SEPTIN4: variants seen among roughly 807,000 people sequenced by gnomAD.
The protein encoded by SEPTIN4 is septin-4.
A neutral mutation model predicts 107.1 loss-of-function variants in SEPTIN4; 52 were observed. The ratio of observed to expected loss-of-function variants is 0.49; its 90% confidence interval spans 0.39 to 0.61. The LOEUF is 0.61. Ranked by LOEUF, SEPTIN4 falls within the 20% of genes least tolerant of loss-of-function variation. SEPTIN4 has a pLI of 0.00. For missense variants in SEPTIN4, 1,048 were observed against 1,243.5 expected (o/e 0.84, Z 2.36); for synonymous variants, 417 against 467.0 (o/e 0.89, Z 1.38).
In SEPTIN4 at chr17:58,526,976, G is replaced by T. The variant is rs200119256; in HGVS notation, c.1617C>A (p.Ile539=). ...CCGTGGTGTCCTCCAGGAAACGCTT[G>T]ATCTGGGGGAAGCGGGGTGGGTAGA... ...RVIWWLKDEE[I]KRFLEDTTDD... is the part of the protein sequence containing the mutation. The change falls in exon 4 of 14, where the codon ATC becomes ATA. Residue 539 remains isoleucine (I), a splice_region_variant and synonymous_variant. Coordinates refer to ENST00000672673, the MANE Select transcript of SEPTIN4 (RefSeq NM_001368771.2). 1.2e-6 allele frequency: 2 copies of T among 1,614,066 alleles called. No homozygotes were observed.
chr17:58,529,069 G>A lies in SEPTIN4; in HGVS notation c.1615-2091C>T, dbSNP rs893134114. On this transcript the variant is annotated intron_variant, in intron 3 of 13. Transcript: ENST00000672673. ...TGAGCCCCAATCCCAGCCAAGGCAG[G>A]GGGAAGACAGGTCACGTCCACCCAT... The A allele has an allele frequency of 1.1e-5, 17 of 1,605,956 alleles. No homozygotes were observed. The African/African-American group carries it at 1.7e-4, about 16-fold the overall frequency.
At chr17:58,539,131 AC>A in intron 3 of SEPTIN4, 1 of 1,533,426 alleles carries the variant, frequency 6.5e-7, no homozygotes, top group Non-Finnish European at 8.7e-7. Context: ...GTCAGAGAAG[AC>A]CAGCAGCCCA....
At position 58,538,201 on chromosome 17, in the gene SEPTIN4, A is replaced by G. The variant is rs1181727671; in HGVS notation, c.1614+2465T>C. Among the ~76,000 whole-genome samples, 3 of 152,212 alleles carry G rather than the reference A, an allele frequency of 2.0e-5. No homozygotes were observed. The highest frequency in any genetic ancestry group is 4.4e-5 in the Non-Finnish European group (3 of 68,034). ...TCAGAGGCTTTGGATTTCGCTTTGT[A>G]AAGGAAGCCAACCTGAGCAAAATGT... On this transcript the variant is annotated intron_variant, in intron 3 of 13. Coordinates refer to ENST00000672673, the MANE Select transcript of SEPTIN4 (RefSeq NM_001368771.2). The surrounding 1 kb of genome is among the most constrained non-coding windows in gnomAD (Gnocchi z 4.7).
In SEPTIN4 at chr17:58,521,203, G is replaced by A. The variant is rs1417616554; in HGVS notation, c.2669-43C>T. The A allele has an allele frequency of 1.2e-6, 2 of 1,614,046 alleles. No homozygotes were observed. Among genetic ancestry groups the A allele is most frequent in the African/African-American group, 1.3e-5 (1 of 74,942 alleles). Reference sequence around the variant, plus strand: ...GGGTCAGCCAGAGGCATAGGTAGGGGAGAGCCACTGAGGGCAAGGAGATAC... The same window carrying A: ...GGGTCAGCCAGAGGCATAGGTAGGGAAGAGCCACTGAGGGCAAGGAGATAC... On this transcript the variant is annotated intron_variant, in intron 11 of 13. Coordinates refer to ENST00000672673, the MANE Select transcript of SEPTIN4 (RefSeq NM_001368771.2). This position sits in a 1 kb window ranked among gnomAD's most constrained non-coding sequence, Gnocchi z 6.4.
At chr17:58,525,870 T>C in intron 5 of SEPTIN4, 89 bp from the exon 6 acceptor site, 1 of 1,125,126 alleles carries the variant, frequency 8.9e-7, no homozygotes, top group Non-Finnish European at 1.3e-6. Context: ...TAGGGGGGAC[T>C]GCTTTCTTAT....
At chr17:58,541,797 AG>A (rs752107010) in intron 2 of SEPTIN4, 124 bp downstream of exon 2, 14 of 1,604,438 alleles carry the variant, frequency 8.7e-6, no homozygotes, top group African/African-American at 1.3e-5. Flanking sequence ...CTGCTTCTTC[AG>A]GTCAAAATCC....
chr17:58,535,722 C>G (rs185463303), intron 3 of SEPTIN4, among the ~76,000 whole-genome samples: 62 of 152,372 alleles, frequency 4.1e-4, no homozygotes, highest in African/African-American at 1.4e-3. Flanking sequence ...AAATTCACCA[C>G]AAGCTCCTCA....
chr17:58,522,633 G>T (rs1445320339), intron 7 of SEPTIN4, among the ~76,000 whole-genome samples: 1 of 150,126 alleles, frequency 6.7e-6, no homozygotes, highest in African/African-American at 2.5e-5. Flanking sequence ...CTCCAGCCTG[G>T]GTGATGGAGC....
At chr17:58,534,323 C>A (rs1325213060) in intron 3 of SEPTIN4, among the ~76,000 whole-genome samples, 1 of 152,236 alleles carries the variant, frequency 6.6e-6, no homozygotes, top group Non-Finnish European at 1.5e-5. Flanking sequence ...GGCCTGGGCA[C>A]AAGTCCCATG....
chr17:58,527,216 C>G, intron 3 of SEPTIN4: 1 of 777,142 alleles, frequency 1.3e-6, no homozygotes, highest in Non-Finnish European at 2.3e-6. Flanking sequence ...AGGAAGAGCC[C>G]TGGGCACCCC....
At chr17:58,527,075 A>T in intron 3 of SEPTIN4, 97 bp from the exon 4 acceptor site, 1 of 1,579,152 alleles carries the variant, frequency 6.3e-7, no homozygotes, top group Non-Finnish European at 8.7e-7. Context: ...AGAAGGCAAG[A>T]GGGAAAGGGA....
At chr17:58,527,238 C>T (rs2043015049) in intron 3 of SEPTIN4, 2 of 703,900 alleles carry the variant, frequency 2.8e-6, no homozygotes, top group Admixed American at 4.0e-5. Flanking sequence ...AGAGCCCTGG[C>T]AACTGCTCTT....
rs772439992 is a variant in SEPTIN4 at position 58,525,135 on chromosome 17, A to C, written c.2159T>G (p.Leu720Arg). 18 of 1,614,210 alleles carry C rather than the reference A, an allele frequency of 1.1e-5. No homozygotes were observed. Among genetic ancestry groups the C allele is most frequent in the Non-Finnish European group, 1.4e-5 (17 of 1,180,022 alleles). The change falls in exon 7 of 14, where the codon CTG (leucine) becomes CGG (arginine). Residue 720 changes from leucine to arginine, a missense_variant. Coordinates refer to ENST00000672673, the MANE Select transcript of SEPTIN4 (RefSeq NM_001368771.2). ...AVDIEEKGVRLRLTIVDTPGF... is the reference protein window; with the variant it reads ...AVDIEEKGVRRRLTIVDTPGF... The stretch of plus-strand genomic sequence containing the variant: ...TGGTGTGTCCACAATGGTGAGCCGC[A>C]GCCTCACACCCTTCTCTTCTATGTC...
chr17:58,544,002 T>G lies in SEPTIN4; in HGVS notation c.185A>C (p.His62Pro). The G allele has an allele frequency of 6.2e-7, 1 of 1,613,672 alleles. No individual in the cohort carries two copies. The highest frequency in any genetic ancestry group is 8.5e-7 in the Non-Finnish European group (1 of 1,179,832). ...AGATCGAGGGTAGTCTGATGCTGAATGGGGAGTGGTGGGATGTGCAGCTTC... is the reference window on the plus strand; with the variant it reads ...AGATCGAGGGTAGTCTGATGCTGAAGGGGGAGTGGTGGGATGTGCAGCTTC... ...RSEAAHPTTP[H>P]SASDYPRSVS... Residue 62 changes from histidine (H) to proline (P), a missense_variant, in exon 1 of 14, where the codon CAT becomes CCT. His to Pro is a moderately conservative substitution (Grantham distance 77). Coordinates refer to ENST00000672673, the MANE Select transcript of SEPTIN4 (RefSeq NM_001368771.2).
rs372204884 is a variant in SEPTIN4, at chr17:58,544,201, C to T, written c.-15G>A. ...GTCTTGACCATCTGATAGATTGTGC[C>T]CTTCTGAGTAGATCCCGTATTTTAC... On this transcript the variant is annotated 5_prime_UTR_variant, in exon 1 of 14. Transcript: ENST00000672673. 1.1e-5 allele frequency: 18 copies of T among 1,592,470 alleles called. No individual in the cohort carries two copies. Among genetic ancestry groups the T allele is most frequent in the African/African-American group, 5.4e-5 (4 of 74,518 alleles).
chr17:58,526,573 AACACACACAC>A (rs3034932), intron 4 of SEPTIN4, 99 bp downstream of exon 4: 84 of 1,303,872 alleles, frequency 6.4e-5, no homozygotes, highest in Middle Eastern at 2.6e-4. Context: ...CACACACACA[AACACACACAC>A]ACACACACAC....
rs1459752548 is a variant in SEPTIN4 at position 58,543,354 on chromosome 17, A to C, written c.833T>G (p.Leu278Arg). 6.2e-7 allele frequency: 1 copy of C among 1,614,086 alleles called. No individual in the cohort carries two copies. The highest frequency in any genetic ancestry group is 1.3e-5 in the African/African-American group (1 of 74,940). ...NLDSLLKLSV[L>R]KDSDGVHRVS... is the part of the protein sequence containing the mutation. Reference sequence around the variant, plus strand: ...TCGGTGTACACCATCAGAATCTTTAAGGACAGAGAGTTTGAGCAATGAGTC... The same window carrying C: ...TCGGTGTACACCATCAGAATCTTTACGGACAGAGAGTTTGAGCAATGAGTC... Residue 278 changes from leucine to arginine, a missense_variant, in exon 1 of 14, where the codon CTT (leucine) becomes CGT (arginine). By Grantham distance (102) the Leu-to-Arg change is moderately radical. Around this residue, in one of 2 missense-constraint regions of SEPTIN4, gnomAD observed 787 missense variants for 871.8 expected, o/e 0.90. Coordinates refer to ENST00000672673, the MANE Select transcript of SEPTIN4 (RefSeq NM_001368771.2).
chr17:58,529,615 C>T (rs2043286559), intron 3 of SEPTIN4, among the ~76,000 whole-genome samples: 1 of 152,166 alleles, frequency 6.6e-6, no homozygotes, highest in African/African-American at 2.4e-5. Flanking sequence ...TATGAGCTAT[C>T]CCCAAGTGAC....
At chr17:58,533,000 A>C (rs562490118) in intron 3 of SEPTIN4, among the ~76,000 whole-genome samples, 64 of 152,278 alleles carry the variant, frequency 4.2e-4, no homozygotes, top group African/African-American at 1.5e-3. Context: ...CCCCTCTCTC[A>C]ATGGCAGGCT....
Sources: gnomAD v4.1 joint callset for allele counts (sites outside exome capture counted in the v4.1 genomes callset) on GRCh38, gnomAD v4.1.1 for gene constraint, gnomAD v4.1.1 regional missense constraint, Gnocchi (gnomAD v3.1) non-coding constraint, MANE v1.5 for transcripts, NCBI Gene and HGNC (gene_info 2026-07-23, HGNC 2026-07-21) for gene names.